Variants in AKAP13 observed in about 807,000 individuals in gnomAD.
The protein encoded by AKAP13 is A-kinase anchoring protein 13.
Under a neutral mutation model 264.5 loss-of-function variants are expected in AKAP13, and 80 were observed. The observed-to-expected ratio is 0.30, with a 90% CI of 0.25 to 0.36. AKAP13 has a LOEUF of 0.36. AKAP13 is among the 10% of genes least tolerant of loss of function. The pLI is 1.00. For missense variants in AKAP13, 3,712 were observed against 3,435.2 expected, an observed-to-expected ratio of 1.08 and a Z score of -2.01; for synonymous variants, 1,380 against 1,250.2, an observed-to-expected ratio of 1.10 and a Z score of -2.19.
chr15:85,653,256 A>G (rs2082945113), intron 10 of AKAP13, among the ~76,000 whole-genome samples: 1 of 152,222 alleles, frequency 6.6e-6, no homozygotes, highest in African/African-American at 2.4e-5. Flanking sequence ...TGACTTTGAT[A>G]TCTTGTTCTT....
intron 10 of AKAP13, among the ~76,000 whole-genome samples, chr15:85,652,872 AC>A (rs1439037929): frequency 6.6e-6 from 1 of 152,038 alleles, no homozygotes; most frequent in Non-Finnish European, 1.5e-5. Flanking sequence ...TCTTGCAGGG[AC>A]ACCATTTGTG....
chr15:85,585,108 G>A (rs2079285722), intron 7 of AKAP13, among the ~76,000 whole-genome samples: 1 of 152,178 alleles, frequency 6.6e-6, no homozygotes, highest in South Asian at 2.1e-4. Flanking sequence ...CTTAAGAAAG[G>A]GATAGCTAGT....
At chr15:85,689,512 G>A (rs977029375) in intron 16 of AKAP13, among the ~76,000 whole-genome samples, 1 of 152,194 alleles carries the variant, frequency 6.6e-6, no homozygotes, top group Non-Finnish European at 1.5e-5. Context: ...AATACCGTTA[G>A]CCTGTTTCTC....
At chr15:85,463,007 G>A (rs1297701758) in intron 1 of AKAP13, among the ~76,000 whole-genome samples, 1 of 120,102 alleles carries the variant, frequency 8.3e-6, no homozygotes, top group Non-Finnish European at 1.6e-5. Flanking sequence ...CTGGGCGACA[G>A]AGCGAGACTC....
At chr15:85,520,691 A>G (rs769438509) in intron 2 of AKAP13, 2 of 518,910 alleles carry the variant, frequency 3.9e-6, no homozygotes, top group Admixed American at 1.9e-5. Context: ...GCAGCCTCCT[A>G]TTGAAATAGG....
In AKAP13 at chr15:85,639,868, G is replaced by A. The variant is rs557783006; in HGVS notation, c.4237+419G>A. On this transcript the variant is annotated intron_variant, in intron 9 of 36. Transcript: ENST00000394518. Reference sequence around the variant, plus strand: ...TCCAGATATTCTGATTTAATTGGGTGGGGTGTGGCCTAGATATCAAAATCT... The same window carrying A: ...TCCAGATATTCTGATTTAATTGGGTAGGGTGTGGCCTAGATATCAAAATCT... 3.3e-5 allele frequency among the ~76,000 whole-genome samples: 5 copies of A among 152,264 alleles called. No homozygotes were observed. In the South Asian group the frequency reaches 1.0e-3, roughly 32 times the overall value.
chr15:85,432,833 G>C (rs1011618015), intron 1 of AKAP13, among the ~76,000 whole-genome samples: 1 of 152,086 alleles, frequency 6.6e-6, no homozygotes, highest in Non-Finnish European at 1.5e-5. Flanking sequence ...TACTTTGGTT[G>C]ATAGGGAGTT....
At position 85,561,594 on chromosome 15, in the gene AKAP13, C is replaced by T. The variant is rs1424121716; in HGVS notation, c.663-13537C>T. Among the ~76,000 whole-genome samples the T allele has an allele frequency of 2.6e-5, 4 of 152,294 alleles. No individual in the cohort carries two copies. In the South Asian group the frequency reaches 8.3e-4, roughly 32 times the overall value. On this transcript the variant is annotated intron_variant, in intron 5 of 36. Transcript: ENST00000394518. ...TGATTTAACTTTAATTTTTACTAAT[C>T]TTGTGAATGTTGGTATATTAGATAT...
intron 16 of AKAP13, among the ~76,000 whole-genome samples, chr15:85,686,726 T>C (rs1455342180): frequency 3.3e-5 from 5 of 152,200 alleles, no homozygotes; most frequent in Admixed American, 2.6e-4. Flanking sequence ...CCGGCTTGGA[T>C]ACTAGTTGGT....
chr15:85,625,457 C>T (rs530244803), intron 8 of AKAP13, among the ~76,000 whole-genome samples: 9 of 152,206 alleles, frequency 5.9e-5, no homozygotes, highest in African/African-American at 9.6e-5. Flanking sequence ...TATCTGTTAG[C>T]GTGAAAACCT....
At chr15:85,744,602 T>C (rs1395811364) in intron 36 of AKAP13, 26 bp from the exon 37 acceptor site, 2 of 1,613,770 alleles carry the variant, frequency 1.2e-6, no homozygotes, top group Admixed American at 3.3e-5. Context: ...CTGAATTTTT[T>C]TCATTCTTGG....
intron 2 of AKAP13, among the ~76,000 whole-genome samples, chr15:85,517,979 G>A (rs1295863951): frequency 6.6e-6 from 1 of 152,076 alleles, no homozygotes; most frequent in Non-Finnish European, 1.5e-5. Context: ...CCTGAGGTTG[G>A]GTCAAACTAA....
At chr15:85,693,736 CTG>C (rs2085417473) in intron 17 of AKAP13, among the ~76,000 whole-genome samples, 1 of 152,178 alleles carries the variant, frequency 6.6e-6, no homozygotes, top group Admixed American at 6.5e-5. Context: ...TCAGTAGAAA[CTG>C]TACTTTGAGT....
intron 1 of AKAP13, among the ~76,000 whole-genome samples, chr15:85,469,520 C>G (rs571150271): frequency 6.6e-6 from 1 of 152,292 alleles, no homozygotes; most frequent in Non-Finnish European, 1.5e-5. Flanking sequence ...GGAATAGCTG[C>G]TCATCTGGAG....
chr15:85,553,189 C>T (rs1425994737), intron 5 of AKAP13, among the ~76,000 whole-genome samples: 1 of 147,284 alleles, frequency 6.8e-6, no homozygotes, highest in Non-Finnish European at 1.5e-5. Context: ...CAGATGCAAA[C>T]AATTCTCCTG....
chr15:85,528,089 G>A lies in AKAP13; in HGVS notation c.182-5495G>A, dbSNP rs145391034. On this transcript the variant is annotated intron_variant, in intron 3 of 36. Coordinates refer to ENST00000394518, the MANE Select transcript of AKAP13 (RefSeq NM_007200.5). ...CACTTTTAGCTTAATAGGAAATGAA[G>A]TAATTCTTGGGCTGTGCTTCAGCAG... Among the ~76,000 whole-genome samples, 3 of 152,288 alleles carry A rather than the reference G, an allele frequency of 2.0e-5. No homozygotes were observed. In the East Asian group the frequency reaches 5.8e-4, roughly 29 times the overall value.
In AKAP13 at chr15:85,631,500, TCTCACACACACACACA is replaced by T. The variant is rs1384010294; in HGVS notation, c.4162-7872_4162-7857del. On this transcript the variant is annotated intron_variant, in intron 8 of 36. Transcript: ENST00000394518. The stretch of plus-strand genomic sequence containing the variant: ...CACACACTTTCTCTCTCTCTCTCTC[TCTCACACACACACACA>T]CACACACACACACACACACACACAC... Among the ~76,000 whole-genome samples the T allele has an allele frequency of 1.0e-4, 8 of 80,198 alleles. No individual in the cohort carries two copies. The East Asian group carries it at 1.7e-3, about 17-fold the overall frequency. 52.6% of individuals were successfully genotyped at this position (80,198 alleles called of 152,430 possible). A position where few individuals can be genotyped will look rare whatever the true frequency, so the allele number is the denominator to read the frequency against.
At chr15:85,421,319 G>C (rs1023731472) in intron 1 of AKAP13, among the ~76,000 whole-genome samples, 1 of 152,248 alleles carries the variant, frequency 6.6e-6, no homozygotes, top group Admixed American at 6.5e-5. Flanking sequence ...TTGTGGAACA[G>C]CTGGAGTGGG....
intron 8 of AKAP13, among the ~76,000 whole-genome samples, chr15:85,622,597 A>G (rs960798912): frequency 2.6e-5 from 4 of 152,228 alleles, no homozygotes; most frequent in African/African-American, 9.6e-5. Context: ...ATGATAGCAC[A>G]GGCAGGATAA....
Sources: allele counts gnomAD v4.1 joint callset (sites outside exome capture counted in the v4.1 genomes callset), GRCh38; gene constraint gnomAD v4.1.1; transcripts MANE v1.5; gene names NCBI Gene and HGNC (gene_info 2026-07-23, HGNC 2026-07-21).